Variants in AFAP1L2 observed in about 807,000 individuals in gnomAD.
The protein encoded by AFAP1L2 is actin filament-associated protein 1-like 2.
Under a neutral mutation model 99.3 loss-of-function variants are expected in AFAP1L2, and 46 were observed. The ratio of observed to expected loss-of-function variants is 0.46; its 90% CI spans 0.37 to 0.59. The LOEUF is 0.59. AFAP1L2 is among the 20% of genes least tolerant of loss of function. The probability of loss-of-function intolerance (pLI) is 0.00; values close to 1 mark genes in which losing one functional copy is unlikely to be tolerated. For synonymous variants in AFAP1L2, 397 were observed against 419.1 expected, an observed-to-expected ratio of 0.95 and a Z score of 0.64; for missense variants, 959 against 1,034.9, an observed-to-expected ratio of 0.93 and a Z score of 1.01.
At chr10:114,285,834 T>C in the AFAP1L2 span, 1 of 1,263,808 alleles carries the variant, frequency 7.9e-7, no homozygotes, top group African/African-American at 1.5e-5. Flanking sequence ...GCCCACAGTT[T>C]CTCTGCACCA....
downstream of AFAP1L2, chr10:114,290,354 A>T (rs1464603137): frequency 6.4e-7 from 1 of 1,550,398 alleles, no homozygotes; most frequent in South Asian, 1.2e-5. Context: ...GAGGGCCCCC[A>T]CTGCGAGAAC....
intron 4 of AFAP1L2, among the ~76,000 whole-genome samples, chr10:114,331,421 G>A (rs1196154311): frequency 1.3e-5 from 2 of 152,138 alleles, no homozygotes; most frequent in East Asian, 1.9e-4. Context: ...TCAGCCTCCT[G>A]AGTAGCTGGG....
At chr10:114,359,792 G>C (rs191201745) in intron 1 of AFAP1L2, among the ~76,000 whole-genome samples, 2 of 152,276 alleles carry the variant, frequency 1.3e-5, no homozygotes, top group African/African-American at 4.8e-5. Context: ...CAGGGCAAGA[G>C]GCAAAGGAAG....
chr10:114,303,794 T>A (rs1253755371), intron 11 of AFAP1L2, among the ~76,000 whole-genome samples: 1 of 152,164 alleles, frequency 6.6e-6, no homozygotes, highest in East Asian at 1.9e-4. Context: ...CGCCCTCCCC[T>A]GAAAGCCATC....
chr10:114,333,547 T>G (rs1336519449), intron 2 of AFAP1L2, among the ~76,000 whole-genome samples: 1 of 152,146 alleles, frequency 6.6e-6, no homozygotes, highest in Non-Finnish European at 1.5e-5. Context: ...TACAGAAGGA[T>G]AGCTTATGGT....
intron 1 of AFAP1L2, among the ~76,000 whole-genome samples, chr10:114,363,445 C>T (rs949443346): frequency 1.3e-5 from 2 of 152,180 alleles, no homozygotes; most frequent in African/African-American, 4.8e-5. Context: ...GGCTCCTGGT[C>T]CTTCATGCCC....
At chr10:114,319,572 C>A in intron 5 of AFAP1L2, 6 of 1,289,606 alleles carry the variant, frequency 4.7e-6, no homozygotes, top group Non-Finnish European at 6.1e-6. Flanking sequence ...CCAAGGTGAT[C>A]GTGGCATAAA....
At chr10:114,306,200 T>C (rs1478619068) in intron 10 of AFAP1L2, among the ~76,000 whole-genome samples, 46 of 82,916 alleles carry the variant, frequency 5.5e-4, no homozygotes, top group Non-Finnish European at 7.9e-4. Flanking sequence ...CAGGAGGGGA[T>C]GGGGCTACAG....
chr10:114,380,430 C>A (rs546594817), intron 1 of AFAP1L2, among the ~76,000 whole-genome samples: 38 of 152,266 alleles, frequency 2.5e-4, no homozygotes, highest in African/African-American at 8.7e-4. Flanking sequence ...TTAAATAGGG[C>A]AATTTATGTA....
chr10:114,321,014 G>A (rs758212), intron 5 of AFAP1L2, among the ~76,000 whole-genome samples: 103,201 of 151,718 alleles, frequency 0.68, 36,207 homozygotes, highest in East Asian at 0.92. Flanking sequence ...CTAAACAGGC[G>A]CTCACTTCCC....
At chr10:114,297,496 A>G (rs1175172130) in intron 16 of AFAP1L2, 83 bp from the exon 17 acceptor site, 3 of 1,408,998 alleles carry the variant, frequency 2.1e-6, no homozygotes, top group South Asian at 2.6e-5. Context: ...CAGGGTCTAC[A>G]TACCCCGCCA....
chr10:114,308,778 G>A (rs2042790306), intron 8 of AFAP1L2, among the ~76,000 whole-genome samples: 2 of 152,212 alleles, frequency 1.3e-5, no homozygotes, highest in Admixed American at 1.3e-4. Context: ...TGGCATTAGA[G>A]TCTGCATCCC....
chr10:114,304,662 A>C, intron 11 of AFAP1L2, 57 bp downstream of exon 11: 1 of 1,454,964 alleles, frequency 6.9e-7, no homozygotes. Flanking sequence ...ACTGGCAGCA[A>C]ACAGCCACCA....
the AFAP1L2 span, chr10:114,282,512 G>A: frequency 1.2e-6 from 2 of 1,613,608 alleles, no homozygotes; most frequent in South Asian, 2.2e-5. Context: ...TCCTTGGATT[G>A]TAGCTGGAAG....
intron 1 of AFAP1L2, chr10:114,393,594 G>A (rs1029311443): frequency 1.3e-5 from 2 of 152,216 alleles, no homozygotes; most frequent in Non-Finnish European, 1.5e-5. Context: ...GACAGGGAGG[G>A]AAGTTGGGGG....
chr10:114,333,991 T>C (rs2047576574), intron 2 of AFAP1L2, among the ~76,000 whole-genome samples: 1 of 152,148 alleles, frequency 6.6e-6, no homozygotes, highest in Non-Finnish European at 1.5e-5. Flanking sequence ...ATAACCCAGG[T>C]CACACTGAAG....
At chr10:114,338,111 G>A (rs936896135) in intron 2 of AFAP1L2, among the ~76,000 whole-genome samples, 3 of 152,212 alleles carry the variant, frequency 2.0e-5, no homozygotes, top group East Asian at 1.9e-4. Context: ...GGCATATAGC[G>A]ACATGCCTCG....
rs1351908014 is a variant in AFAP1L2, at chr10:114,296,024, T to C, written c.*18A>G. ...AAGGTCCACATTGACATGAGAGTCT[T>C]TAGATGAAGCTTGTTTTCTAACTTG... On this transcript the variant is annotated 3_prime_UTR_variant, in exon 19 of 19. Coordinates refer to ENST00000304129, the MANE Select transcript of AFAP1L2 (RefSeq NM_001001936.3). 6.2e-7 allele frequency: 1 copy of C among 1,614,162 alleles called. No homozygotes were observed. Among genetic ancestry groups the C allele is most frequent in the South Asian group, 1.1e-5 (1 of 91,084 alleles).
chr10:114,305,681 A>ATG (rs2042168853), intron 10 of AFAP1L2, among the ~76,000 whole-genome samples: 1 of 100,638 alleles, frequency 9.9e-6, no homozygotes, highest in Non-Finnish European at 2.0e-5. Flanking sequence ...GCAGGAGGGG[A>ATG]CGGGGCTGCA....
Sources: gnomAD v4.1 joint callset for allele counts (sites outside exome capture counted in the v4.1 genomes callset) on GRCh38, gnomAD v4.1.1 for gene constraint, MANE v1.5 for transcripts, NCBI Gene and HGNC (gene_info 2026-07-23, HGNC 2026-07-21) for gene names.